The following SYT2 variants were observed in gnomAD, a reference collection of about 807,000 sequenced individuals.
SYT2 encodes the protein synaptotagmin 2, also known as synaptotagmin-2.
SYT2 carries 15 observed loss-of-function variants against 39.9 expected under a neutral mutation model. The ratio of observed to expected loss-of-function variants is 0.38; its 90% CI spans 0.25 to 0.58. The LOEUF (loss-of-function observed/expected upper bound fraction) is 0.58, where lower values mean the gene tolerates loss of function less well. SYT2 is among the 20% of genes least tolerant of loss of function. The pLI is 0.70. For synonymous variants in SYT2, 181 were observed against 204.5 expected, an observed-to-expected ratio of 0.89 and a Z score of 0.98; for missense variants, 389 against 530.3, an observed-to-expected ratio of 0.73 and a Z score of 2.62.
intron 1 of SYT2, among the ~76,000 whole-genome samples, chr1:202,644,651 G>A (rs145323807): frequency 2.6e-5 from 4 of 151,924 alleles, no homozygotes; most frequent in Non-Finnish European, 5.9e-5. Flanking sequence ...ACCAGGACTC[G>A]AGTTTGGGGT....
Position 202,629,500 on chromosome 1 carries a change from A to G in SYT2, c.-17-23711T>C, listed in dbSNP as rs1342136452. Among the ~76,000 whole-genome samples, 4 of 152,300 alleles carry G rather than the reference A, an allele frequency of 2.6e-5. No individual in the cohort carries two copies. The East Asian group carries it at 7.7e-4, about 29-fold the overall frequency. Reference sequence around the variant, plus strand: ...TATCTGACCACATCCTCCTCTCAGAAGTCAGCAGAGTCTAGCTGTTCTTCC... The same window carrying G: ...TATCTGACCACATCCTCCTCTCAGAGGTCAGCAGAGTCTAGCTGTTCTTCC... On this transcript the variant is annotated intron_variant, in intron 1 of 8. Coordinates refer to ENST00000367268, the MANE Select transcript of SYT2 (RefSeq NM_177402.5).
chr1:202,701,619 G>A (rs1330615179), intron 1 of SYT2, among the ~76,000 whole-genome samples: 2 of 152,318 alleles, frequency 1.3e-5, no homozygotes, highest in East Asian at 3.9e-4. Flanking sequence ...CGGGTGCAGT[G>A]TGATACTATT....
rs549378796 is a variant in SYT2 at position 202,598,888 on chromosome 1, C to T, written c.1053+330G>A. Among the ~76,000 whole-genome samples the T allele has an allele frequency of 2.2e-4, 33 of 152,226 alleles. No individual in the cohort carries two copies. The South Asian group carries it at 6.0e-3, about 28-fold the overall frequency. ...TGGCTGGAGAGGATGGAGGTGGCAG[C>T]GGCCACTCCCACCCTCTCAGCCAGC... is the stretch of plus-strand genomic sequence containing the variant. On this transcript the variant is annotated intron_variant, in intron 8 of 8. Transcript: ENST00000367268.
At chr1:202,605,227 A>G (rs919173532) in intron 2 of SYT2, 5 of 181,918 alleles carry the variant, frequency 2.7e-5, no homozygotes, top group Admixed American at 1.7e-4. Flanking sequence ...CAGAAATTCA[A>G]AAGCAGAGAG....
intron 1 of SYT2, among the ~76,000 whole-genome samples, chr1:202,668,411 A>G (rs1031415348): frequency 2.6e-5 from 4 of 152,242 alleles, no homozygotes; most frequent in African/African-American, 7.2e-5. Flanking sequence ...ATGCAAAAAT[A>G]TAATCGAGAT....
intron 1 of SYT2, among the ~76,000 whole-genome samples, chr1:202,676,182 TC>T (rs1204500253): frequency 6.6e-6 from 1 of 151,798 alleles, no homozygotes; most frequent in Non-Finnish European, 1.5e-5. Context: ...CTTCCTCCCT[TC>T]CCCCCACCCA....
rs112107750 is a variant in SYT2, at chr1:202,703,734, C to T, written c.-18+6524G>A. 7.4e-3 allele frequency among the ~76,000 whole-genome samples: 1,130 copies of T among 152,272 alleles called. 14 individuals are homozygous for T. The highest frequency in any genetic ancestry group is 0.026 in the African/African-American group (1,065 of 41,556). ...CTGCATCACCCCCAGGCTGCTCCTT[C>T]AGTCTACTCGGGTATGGAAAGGGTT... On this transcript the variant is annotated intron_variant, in intron 1 of 8. Coordinates refer to ENST00000367268, the MANE Select transcript of SYT2 (RefSeq NM_177402.5).
chr1:202,654,488 C>T (rs1197804407), intron 1 of SYT2, among the ~76,000 whole-genome samples: 6 of 152,238 alleles, frequency 3.9e-5, no homozygotes, highest in Non-Finnish European at 5.9e-5. Context: ...CCAATTCATT[C>T]ATCCATTCAA....
intron 1 of SYT2, among the ~76,000 whole-genome samples, chr1:202,654,401 G>T (rs1306604650): frequency 6.6e-6 from 1 of 152,174 alleles, no homozygotes; most frequent in Non-Finnish European, 1.5e-5. Context: ...GGCCAGCCCT[G>T]TTTCTTCGAA....
intron 1 of SYT2, among the ~76,000 whole-genome samples, chr1:202,625,934 C>CTGTGTA (rs375198940): frequency 3.3e-5 from 5 of 152,156 alleles, no homozygotes; most frequent in Non-Finnish European, 5.9e-5. Flanking sequence ...GCCAGAAAGG[C>CTGTGTA]TGTGTATGTG....
At chr1:202,682,204 G>T (rs1031619459) in intron 1 of SYT2, among the ~76,000 whole-genome samples, 1 of 152,178 alleles carries the variant, frequency 6.6e-6, no homozygotes, top group Non-Finnish European at 1.5e-5. Flanking sequence ...GCACACGGGG[G>T]TATTCAAGGG....
intron 1 of SYT2, among the ~76,000 whole-genome samples, chr1:202,624,725 AG>A (rs1691313628): frequency 2.6e-4 from 1 of 3,788 alleles, no homozygotes; most frequent in Non-Finnish European, 6.4e-4. Context: ...GGTATGTAGT[AG>A]GGTGTGTGTG....
rs1572601739 is a variant in SYT2, at chr1:202,594,813, T to C, written c.*1944A>G. The C allele has an allele frequency of 6.6e-6, 1 of 152,020 alleles. No homozygotes were observed. The highest frequency in any genetic ancestry group is 1.5e-5 in the Non-Finnish European group (1 of 68,008). The allele number at this position is 152,020 out of a possible 1,614,324, so 9.4% of individuals were successfully genotyped here. ...GGCAGGCTTTCCAGTCTGTTTCTGG[T>C]GGGGGTATTCCCTCATTTCCCTCAC... On this transcript the variant is annotated 3_prime_UTR_variant, in exon 9 of 9. Coordinates refer to ENST00000367268, the MANE Select transcript of SYT2 (RefSeq NM_177402.5).
chr1:202,698,210 C>T (rs1440077785), intron 1 of SYT2, among the ~76,000 whole-genome samples: 2 of 152,146 alleles, frequency 1.3e-5, no homozygotes, highest in Non-Finnish European at 2.9e-5. Flanking sequence ...TTCCCCATGC[C>T]TGGTCTAAAA....
At chr1:202,693,647 T>G (rs1408394736) in intron 1 of SYT2, among the ~76,000 whole-genome samples, 1 of 152,130 alleles carries the variant, frequency 6.6e-6, no homozygotes, top group Non-Finnish European at 1.5e-5. Context: ...TCTTTCAAGG[T>G]CATACCTCCA....
At chr1:202,688,378 C>T (rs779268946) in intron 1 of SYT2, among the ~76,000 whole-genome samples, 6 of 152,198 alleles carry the variant, frequency 3.9e-5, no homozygotes, top group African/African-American at 7.2e-5. Context: ...CCCCCGTGGG[C>T]GGCACAGTCG....
intron 1 of SYT2, among the ~76,000 whole-genome samples, chr1:202,660,806 C>G (rs1213871787): frequency 1.3e-5 from 2 of 152,116 alleles, no homozygotes; most frequent in African/African-American, 4.8e-5. Flanking sequence ...CTGAGAAGCA[C>G]TTCCCCAGAG....
intron 1 of SYT2, among the ~76,000 whole-genome samples, chr1:202,665,802 A>G (rs1328387592): frequency 2.0e-5 from 3 of 152,168 alleles, no homozygotes; most frequent in Non-Finnish European, 4.4e-5. Flanking sequence ...TGTTTATTAA[A>G]TGGAGATTTG....
rs1237059590 is a variant in SYT2, at chr1:202,610,786, AAGG to A, written c.-17-5000_-17-4998del. ...TACAAGGGATGTGAAGGACCTCTTC[AAGG>A]AGAACTACAAACCACTGCTCAATGA... On this transcript the variant is annotated intron_variant, in intron 1 of 8. Transcript: ENST00000367268. Among the ~76,000 whole-genome samples, 14 of 152,236 alleles carry A rather than the reference AAGG, an allele frequency of 9.2e-5. No homozygotes were observed. In the East Asian group the frequency reaches 2.7e-3, roughly 29 times the overall value.
Sources: gnomAD v4.1 joint callset for allele counts (sites outside exome capture counted in the v4.1 genomes callset) on GRCh38, gnomAD v4.1.1 for gene constraint, MANE v1.5 for transcripts, NCBI Gene and HGNC (gene_info 2026-07-23, HGNC 2026-07-21) for gene names.